The following LSAMP variants were observed in gnomAD, a reference collection of about 807,000 sequenced individuals.
LSAMP encodes the protein limbic system associated membrane protein, also known as limbic system-associated membrane protein.
Under a neutral mutation model 38.6 loss-of-function variants are expected in LSAMP, and 7 were observed. The ratio of observed to expected loss-of-function variants is 0.18; its 90% CI spans 0.10 to 0.34. The LOEUF (loss-of-function observed/expected upper bound fraction) is 0.34. Among genes scored for constraint, LSAMP ranks in the 10% least tolerant of loss-of-function variants. LSAMP has a pLI of 1.00. For missense variants in LSAMP, 313 were observed against 420.0 expected (o/e 0.75, Z 2.23); for synonymous variants, 154 against 166.8 (o/e 0.92, Z 0.59).
chr3:115,888,547 C>T (rs1936514347), intron 3 of LSAMP, among the ~76,000 whole-genome samples: 1 of 151,894 alleles, frequency 6.6e-6, no homozygotes, highest in Non-Finnish European at 1.5e-5. Flanking sequence ...TCAACACCTT[C>T]CAATTACATT....
At chr3:116,221,827 G>T (rs1336836616) in intron 1 of LSAMP, among the ~76,000 whole-genome samples, 1 of 143,508 alleles carries the variant, frequency 7.0e-6, no homozygotes, top group African/African-American at 2.6e-5. Context: ...GCAACATTCT[G>T]CGTGATCCTA....
chr3:115,939,587 T>TC (rs1553751094), intron 3 of LSAMP, among the ~76,000 whole-genome samples: 7 of 151,328 alleles, frequency 4.6e-5, no homozygotes, highest in South Asian at 2.1e-4. Context: ...TTTCTTTCTG[T>TC]TAAGAGACAG....
intron 1 of LSAMP, among the ~76,000 whole-genome samples, chr3:116,173,757 G>T (rs1559769996): frequency 6.8e-6 from 1 of 146,630 alleles, no homozygotes; most frequent in African/African-American, 2.5e-5. Flanking sequence ...CATAATAGAA[G>T]AAATAGAAGA....
intron 1 of LSAMP, among the ~76,000 whole-genome samples, chr3:116,145,809 C>T (rs1332746829): frequency 6.6e-6 from 1 of 151,712 alleles, no homozygotes; most frequent in Non-Finnish European, 1.5e-5. Flanking sequence ...GATACAACTT[C>T]CAGTTTATTA....
At chr3:116,098,311 C>A (rs2107445386) in intron 1 of LSAMP, among the ~76,000 whole-genome samples, 1 of 152,050 alleles carries the variant, frequency 6.6e-6, no homozygotes, top group Non-Finnish European at 1.5e-5. Context: ...CCAGCTTGAC[C>A]AACAGGGAGA....
At chr3:116,415,665 T>C (rs1435253332) in intron 1 of LSAMP, among the ~76,000 whole-genome samples, 3 of 152,132 alleles carry the variant, frequency 2.0e-5, no homozygotes, top group East Asian at 1.9e-4. Flanking sequence ...GCATGATGCA[T>C]TCATTTGAAA....
intron 1 of LSAMP, among the ~76,000 whole-genome samples, chr3:116,287,157 A>G (rs1443369729): frequency 6.6e-6 from 1 of 152,018 alleles, no homozygotes; most frequent in African/African-American, 2.4e-5. Context: ...GTGTGTGTGT[A>G]TCTCTGTATG....
At chr3:116,373,083 A>C (rs1372683353) in intron 1 of LSAMP, among the ~76,000 whole-genome samples, 1 of 151,560 alleles carries the variant, frequency 6.6e-6, no homozygotes, top group Non-Finnish European at 1.5e-5. Flanking sequence ...TATTCAAAAA[A>C]ATTGAAAGCA....
intron 1 of LSAMP, among the ~76,000 whole-genome samples, chr3:116,321,791 G>A (rs1231221799): frequency 6.6e-6 from 1 of 152,256 alleles, no homozygotes; most frequent in Non-Finnish European, 1.5e-5. Context: ...AATCAATTTA[G>A]TACAGTCTGA....
chr3:115,839,262 T>TTCCTTCC (rs1934909005), intron 6 of LSAMP, among the ~76,000 whole-genome samples: 139 of 78,674 alleles, frequency 1.8e-3, no homozygotes, highest in Middle Eastern at 6.3e-3. Context: ...TCCTTCTTTC[T>TTCCTTCC]TTCCTTCCTT....
At chr3:115,844,321 T>C (rs1285378462) in intron 4 of LSAMP, among the ~76,000 whole-genome samples, 2 of 152,190 alleles carry the variant, frequency 1.3e-5, no homozygotes, top group African/African-American at 4.8e-5. Flanking sequence ...GGATTAGCAG[T>C]CAAGAAGAGG....
chr3:115,861,910 C>G (rs1935715777), intron 3 of LSAMP, among the ~76,000 whole-genome samples: 1 of 152,092 alleles, frequency 6.6e-6, no homozygotes, highest in South Asian at 2.1e-4. Flanking sequence ...GGATGTAGCT[C>G]CTAAAGCCAG....
chr3:116,074,844 C>CTTTTTTTTTTTTTTTTTTTTTTTTT lies in LSAMP; in HGVS notation c.388+11479_388+11480insAAAAAAAAAAAAAAAAAAAAAAAAA, dbSNP rs1161460100. ...AAAGTTTAGTCATATTTTCTTTATTCTTTTTTTTTTTTTTTTTGAGATGAG... is the reference window on the plus strand; with the variant it reads ...AAAGTTTAGTCATATTTTCTTTATTCTTTTTTTTTTTTTTTTTTTTTTTTTTTTTTTTTTTTTTTTTTGAGATGAG... On this transcript the variant is annotated intron_variant, in intron 2 of 6. Coordinates refer to ENST00000490035, the MANE Select transcript of LSAMP (RefSeq NM_002338.5). Among the ~76,000 whole-genome samples, 9 of 128,406 alleles carry CTTTTTTTTTTTTTTTTTTTTTTTTT rather than the reference C, an allele frequency of 7.0e-5. 1 individual carries two copies. Among genetic ancestry groups the CTTTTTTTTTTTTTTTTTTTTTTTTT allele is most frequent in the African/African-American group, 2.5e-4 (8 of 32,340 alleles). The allele number at this position is 128,406 out of a possible 152,430, so 84.2% of individuals were successfully genotyped here.
intron 1 of LSAMP, among the ~76,000 whole-genome samples, chr3:116,103,836 A>G (rs1321969200): frequency 6.6e-6 from 1 of 152,196 alleles, no homozygotes; most frequent in Non-Finnish European, 1.5e-5. Flanking sequence ...ATTTGAGTGC[A>G]CAAAAATCCT....
chr3:115,989,578 T>C (rs1306670876), intron 3 of LSAMP, among the ~76,000 whole-genome samples: 1 of 152,078 alleles, frequency 6.6e-6, no homozygotes, highest in Non-Finnish European at 1.5e-5. Context: ...GTCTCCTCTA[T>C]AGTGCTAAAG....
chr3:116,222,136 C>A (rs1468535705), intron 1 of LSAMP, among the ~76,000 whole-genome samples: 1 of 151,890 alleles, frequency 6.6e-6, no homozygotes, highest in Non-Finnish European at 1.5e-5. Flanking sequence ...AATCCTCCTC[C>A]AACACTAACA....
At chr3:116,261,155 C>T (rs560507009) in intron 1 of LSAMP, among the ~76,000 whole-genome samples, 25 of 152,172 alleles carry the variant, frequency 1.6e-4, no homozygotes, top group Non-Finnish European at 3.5e-4. Context: ...AGTGATCATG[C>T]ATATTCCTTC....
chr3:115,938,057 T>A (rs114629768), intron 3 of LSAMP, among the ~76,000 whole-genome samples: 101 of 152,340 alleles, frequency 6.6e-4, no homozygotes, highest in Non-Finnish European at 1.1e-3. Flanking sequence ...TTGTATTGAA[T>A]GTGGGCAAGA....
At position 116,163,876 on chromosome 3, in the gene LSAMP, C is replaced by CA. The variant is rs199877111; in HGVS notation, c.156-77321dup. ...TTAAAGATTTTTCCTTAAAAAAACA[C>CA]AAAAAAAACGAATAAGATCACACAT... On this transcript the variant is annotated intron_variant, in intron 1 of 6. Coordinates refer to ENST00000490035, the MANE Select transcript of LSAMP (RefSeq NM_002338.5). Among the ~76,000 whole-genome samples the CA allele has an allele frequency of 9.2e-3, 1,397 of 151,146 alleles. 18 individuals carry two copies. Among genetic ancestry groups the CA allele is most frequent in the African/African-American group, 0.031 (1,275 of 41,174 alleles).
Sources: allele counts gnomAD v4.1 joint callset (sites outside exome capture counted in the v4.1 genomes callset), GRCh38; gene constraint gnomAD v4.1.1; transcripts MANE v1.5; gene names NCBI Gene and HGNC (gene_info 2026-07-23, HGNC 2026-07-21).